The following CNGA3 variants were observed in gnomAD, a reference collection of about 807,000 sequenced individuals.
The protein encoded by CNGA3 is cyclic nucleotide gated channel subunit alpha 3.
CNGA3 carries 42 observed loss-of-function variants against 46.6 expected under a neutral mutation model. That is an observed-to-expected ratio of 0.90 (90% confidence interval 0.70 to 1.17). The LOEUF (loss-of-function observed/expected upper bound fraction) is 1.17. Ranked by LOEUF, CNGA3 falls within the 50% of genes most tolerant of loss-of-function variation. CNGA3 has a pLI of 0.00. For missense variants in CNGA3, 893 were observed against 890.7 expected, an observed-to-expected ratio of 1.00 and a Z score of -0.03; for synonymous variants, 394 against 369.4, an observed-to-expected ratio of 1.07 and a Z score of -0.76.
chr2:98,397,359 T>G lies in CNGA3; in HGVS notation c.*104T>G. 2 of 1,169,294 alleles carry G rather than the reference T, an allele frequency of 1.7e-6. No individual in the cohort carries two copies. Among genetic ancestry groups the G allele is most frequent in the Non-Finnish European group, 2.5e-6 (2 of 798,478 alleles). 72.4% of individuals were successfully genotyped at this position (1,169,294 alleles called of 1,614,324 possible). A position where few individuals can be genotyped will look rare whatever the true frequency, so the allele number is the denominator to read the frequency against. On this transcript the variant is annotated 3_prime_UTR_variant, in exon 8 of 8. Transcript: ENST00000272602. ...CTTGGTCAGGGTTGAATTCCAGCTC[T>G]ACTCACCCTTTGAAAGCTGTGTGAC... is the stretch of plus-strand genomic sequence containing the variant.
chr2:98,366,297 G>T (rs1483649314), intron 1 of CNGA3, among the ~76,000 whole-genome samples: 1 of 152,198 alleles, frequency 6.6e-6, no homozygotes, highest in East Asian at 1.9e-4. Context: ...TCTCAAAGGG[G>T]CGCTGACCTG....
At chr2:98,353,814 T>C (rs1016810747) in intron 1 of CNGA3, among the ~76,000 whole-genome samples, 5 of 152,152 alleles carry the variant, frequency 3.3e-5, no homozygotes, top group Admixed American at 1.3e-4. Context: ...CTCAGGAAAC[T>C]TACAATCATG....
At chr2:98,385,164 C>T (rs1006726192) in intron 5 of CNGA3, among the ~76,000 whole-genome samples, 2 of 152,106 alleles carry the variant, frequency 1.3e-5, no homozygotes, top group African/African-American at 4.8e-5. Context: ...GGCCAAGGCC[C>T]GTAATCCAGG....
chr2:98,376,131 C>T lies in CNGA3; in HGVS notation c.102-1556C>T, dbSNP rs958123384. ...ACTTAATTCCAAAAAAAATCAATTG[C>T]GCATACACAAGCCGGGGTCCTCTGG... is the stretch of plus-strand genomic sequence containing the variant. On this transcript the variant is annotated intron_variant, in intron 2 of 7. Coordinates refer to ENST00000272602, the MANE Select transcript of CNGA3 (RefSeq NM_001298.3). Among the ~76,000 whole-genome samples, 8 of 152,100 alleles carry T rather than the reference C, an allele frequency of 5.3e-5. No individual in the cohort carries two copies. In the East Asian group the frequency reaches 5.8e-4, roughly 11 times the overall value.
chr2:98,383,526 G>A (rs1220682421), intron 5 of CNGA3, 85 bp downstream of exon 5: 8 of 1,269,158 alleles, frequency 6.3e-6, no homozygotes, highest in Non-Finnish European at 8.1e-6. Flanking sequence ...TCTCTCCTTA[G>A]TGCTCCTGCT....
At chr2:98,354,428 C>A (rs13418293) in intron 1 of CNGA3, among the ~76,000 whole-genome samples, 31,253 of 151,910 alleles carry the variant, frequency 0.21, 3,592 homozygotes, top group Middle Eastern at 0.29. Flanking sequence ...AAATCCTTTG[C>A]CTGCTTTTTA....
chr2:98,370,507 T>A (rs1692260447), intron 2 of CNGA3, among the ~76,000 whole-genome samples: 1 of 152,198 alleles, frequency 6.6e-6, no homozygotes. Context: ...TGCCCTGCCC[T>A]CGCTTCCAGG....
intron 1 of CNGA3, among the ~76,000 whole-genome samples, chr2:98,358,483 C>CA (rs925656152): frequency 1.5e-4 from 22 of 149,936 alleles, no homozygotes; most frequent in East Asian, 5.8e-4. Flanking sequence ...AATTGTCATG[C>CA]AAAAAAAAAT....
chr2:98,367,129 A>G (rs1030781786), intron 1 of CNGA3, among the ~76,000 whole-genome samples: 16 of 137,624 alleles, frequency 1.2e-4, no homozygotes, highest in Admixed American at 6.1e-4. Context: ...TTCACTCACC[A>G]TTTTCATTCT....
chr2:98,377,827 T>G (rs1432838048), intron 3 of CNGA3, 27 bp downstream of exon 3: 2 of 1,585,966 alleles, frequency 1.3e-6, no homozygotes, highest in Non-Finnish European at 1.7e-6. Context: ...AGTCCCTACC[T>G]TGGCCTGGGG....
At position 98,396,218 on chromosome 2, in the gene CNGA3, A is replaced by G. The variant is rs1692908768; in HGVS notation, c.1048A>G (p.Arg350Gly). The change falls in exon 8 of 8, where the codon AGG (arginine) becomes GGG (glycine). Residue 350 changes from arginine (R) to glycine (G), a missense_variant. This residue lies in a region of CNGA3 where 548 missense variants were observed against 570.8 expected (regional missense o/e 0.96). Transcript: ENST00000272602. ...AATCCCAGAGCATGGGCGCCTCTCCAGGAAGTACATTTACAGTCTCTACTG... is the reference window on the plus strand; with the variant it reads ...AATCCCAGAGCATGGGCGCCTCTCCGGGAAGTACATTTACAGTCTCTACTG... ...ISIPEHGRLS[R>G]KYIYSLYWST... is the part of the protein sequence containing the mutation. 3 of 1,614,178 alleles carry G rather than the reference A, an allele frequency of 1.9e-6. No homozygotes were observed. Among genetic ancestry groups the G allele is most frequent in the Non-Finnish European group, 2.5e-6 (3 of 1,180,038 alleles).
chr2:98,363,700 G>A (rs1341673167), intron 1 of CNGA3, among the ~76,000 whole-genome samples: 9 of 152,018 alleles, frequency 5.9e-5, no homozygotes, highest in Non-Finnish European at 1.3e-4. Context: ...TTATTATTTT[G>A]AGGTATGTTC....
chr2:98,389,037 T>C (rs1245655935), intron 5 of CNGA3, among the ~76,000 whole-genome samples: 1 of 152,244 alleles, frequency 6.6e-6, no homozygotes, highest in Non-Finnish European at 1.5e-5. Flanking sequence ...AAGCTATGTA[T>C]TTCATTCCGT....
At chr2:98,387,830 G>A (rs1574383831) in intron 5 of CNGA3, among the ~76,000 whole-genome samples, 1 of 152,254 alleles carries the variant, frequency 6.6e-6, no homozygotes, top group Non-Finnish European at 1.5e-5. Context: ...CAAGAACAGC[G>A]GACAGGCCAC....
At chr2:98,382,168 T>G (rs569454996) in intron 4 of CNGA3, among the ~76,000 whole-genome samples, 3 of 152,196 alleles carry the variant, frequency 2.0e-5, no homozygotes, top group Admixed American at 1.3e-4. Flanking sequence ...GTGCGGATAG[T>G]GTTGGTCAAT....
rs145834088 is a variant in CNGA3, at chr2:98,363,962, G to A, written c.-37-5977G>A. On this transcript the variant is annotated intron_variant, in intron 1 of 7. Coordinates refer to ENST00000272602, the MANE Select transcript of CNGA3 (RefSeq NM_001298.3). ...GTAGGTCTCCAAGAACTTGTTTTAT[G>A]AATCTAGGTGCTCCTTTATTGGGTG... Among the ~76,000 whole-genome samples the A allele has an allele frequency of 1.4e-4, 21 of 152,302 alleles. No homozygotes were observed. The East Asian group carries it at 4.0e-3, about 29-fold the overall frequency.
At chr2:98,392,006 C>T (rs1168553334) in intron 7 of CNGA3, 36 bp downstream of exon 7, 4 of 1,568,774 alleles carry the variant, frequency 2.5e-6, no homozygotes, top group East Asian at 4.5e-5. Flanking sequence ...GGGACCATGG[C>T]CCCCACGGGA....
At chr2:98,385,706 G>A (rs901074530) in intron 5 of CNGA3, among the ~76,000 whole-genome samples, 2 of 152,136 alleles carry the variant, frequency 1.3e-5, no homozygotes, top group South Asian at 2.1e-4. Context: ...CCTGAGACTC[G>A]GTAATTTATC....
intron 5 of CNGA3, among the ~76,000 whole-genome samples, chr2:98,388,154 G>C (rs1487686484): frequency 6.6e-6 from 1 of 152,066 alleles, no homozygotes; most frequent in Admixed American, 6.6e-5. Context: ...TCTTCAGGAC[G>C]TCTCCACGAC....
Sources: gnomAD v4.1 joint callset for allele counts (sites outside exome capture counted in the v4.1 genomes callset) on GRCh38, gnomAD v4.1.1 for gene constraint, gnomAD v4.1.1 regional missense constraint, MANE v1.5 for transcripts, NCBI Gene and HGNC (gene_info 2026-07-23, HGNC 2026-07-21) for gene names.